Variants in CNKSR1 observed in about 807,000 individuals in gnomAD.
CNKSR1 encodes connector enhancer of kinase suppressor of Ras 1, also known as CNK homolog protein 1.
In CNKSR1, 88 loss-of-function variants were observed where a neutral mutation model predicts 95.6. The ratio of observed to expected loss-of-function variants is 0.92; its 90% CI spans 0.78 to 1.10. The LOEUF (loss-of-function observed/expected upper bound fraction) is 1.10. Ranked by LOEUF, CNKSR1 falls within the 50% of genes least tolerant of loss-of-function variation. The pLI is 0.00. For missense variants in CNKSR1, 836 were observed against 912.0 expected (o/e 0.92, Z 1.07); for synonymous variants, 355 against 369.7 (o/e 0.96, Z 0.46).
chr1:26,186,822 C>G (rs867294090), intron 14 of CNKSR1: 1 of 294,634 alleles, frequency 3.4e-6, no homozygotes, highest in Middle Eastern at 1.2e-3. Context: ...AGTCTGGTCT[C>G]AAACTCCTAG....
In CNKSR1 at chr1:26,177,587, A is replaced by G. The variant is rs1316124909; in HGVS notation, c.40A>G (p.Thr14Ala). 2.5e-6 allele frequency: 4 copies of G among 1,614,128 alleles called. No homozygotes were observed. The highest frequency in any genetic ancestry group is 2.5e-6 in the Non-Finnish European group (3 of 1,180,020). The change falls in exon 1 of 21, where the codon ACT (threonine) becomes GCT (alanine). Residue 14 changes from threonine to alanine, a missense_variant. By Grantham distance (58) the Thr-to-Ala change is moderately conservative. Coordinates refer to ENST00000361530, the MANE Select transcript of CNKSR1 (RefSeq NM_006314.3). ...GACCTGGACCCCCGGAAAGGTGGCA[A>G]CTTGGCTGAGAGGTGGGTGGGGCTG... ...VETWTPGKVA[T>A]WLRGLDDSLQ...
chr1:26,181,605 T>G, intron 3 of CNKSR1: 1 of 470,142 alleles, frequency 2.1e-6, no homozygotes, highest in Non-Finnish European at 3.9e-6. Flanking sequence ...CAAAGTTAAA[T>G]TGATATTGAT....
intron 6 of CNKSR1, 84 bp from the exon 7 acceptor site, chr1:26,183,113 T>C: frequency 7.5e-7 from 1 of 1,334,900 alleles, no homozygotes; most frequent in Non-Finnish European, 1.1e-6. Context: ...CCACCCACCA[T>C]AGAGTCCTGG....
Position 26,183,850 on chromosome 1 carries a change from C to T in CNKSR1, c.855+20C>T. ...CCACAGGTACCTTCCCCTGCCGCCC[C>T]CCGACCTGCCTTCAGACCCCCCCCT... On this transcript the variant is annotated intron_variant, in intron 9 of 20. Coordinates refer to ENST00000361530, the MANE Select transcript of CNKSR1 (RefSeq NM_006314.3). 1.0e-6 allele frequency: 1 copy of T among 959,880 alleles called. No homozygotes were observed. The highest frequency in any genetic ancestry group is 1.5e-6 in the Non-Finnish European group (1 of 681,400). 59.5% of individuals were successfully genotyped at this position (959,880 alleles called of 1,614,324 possible).
intron 16 of CNKSR1, 136 bp downstream of exon 16, chr1:26,187,618 C>CTA: frequency 3.3e-6 from 2 of 614,940 alleles, no homozygotes; most frequent in Admixed American, 2.9e-5. Flanking sequence ...ACTTCTCTTT[C>CTA]TCTTTTTTTT....
chr1:26,189,746 C>A lies in CNKSR1; in HGVS notation c.*198C>A, dbSNP rs565213274. The A allele has an allele frequency of 3.5e-4, 247 of 700,260 alleles. No homozygotes were observed. The highest frequency in any genetic ancestry group is 1.1e-3 in the Middle Eastern group (3 of 2,760). 43.4% of individuals were successfully genotyped at this position (700,260 alleles called of 1,614,324 possible). ...CCTTGCCAAAGAAGAAACTCTCCCCCCAAATCCTCCAACCTCTGGGGCCAC... is the reference window on the plus strand; with the variant it reads ...CCTTGCCAAAGAAGAAACTCTCCCCACAAATCCTCCAACCTCTGGGGCCAC... On this transcript the variant is annotated 3_prime_UTR_variant, in exon 21 of 21. Transcript: ENST00000361530.
chr1:26,180,248 T>TG, intron 1 of CNKSR1: 1 of 631,634 alleles, frequency 1.6e-6, no homozygotes, highest in Non-Finnish European at 2.8e-6. Context: ...GCTGCTGGTC[T>TG]GGGGGCCACT....
At chr1:26,178,264 C>A (rs893859409) in intron 1 of CNKSR1, among the ~76,000 whole-genome samples, 1 of 152,164 alleles carries the variant, frequency 6.6e-6, no homozygotes, top group African/African-American at 2.4e-5. Context: ...TTGTTAAATC[C>A]GTTTCTTAGA....
At chr1:26,179,109 T>C (rs1194200761) in intron 1 of CNKSR1, among the ~76,000 whole-genome samples, 1 of 152,254 alleles carries the variant, frequency 6.6e-6, no homozygotes, top group Non-Finnish European at 1.5e-5. Flanking sequence ...TCTTATAGAT[T>C]TGCATAGCAC....
chr1:26,181,069 C>T (rs1348426157), intron 3 of CNKSR1, 173 bp downstream of exon 3: 1 of 754,642 alleles, frequency 1.3e-6, no homozygotes, highest in African/African-American at 1.7e-5. Flanking sequence ...CACTTGAGGT[C>T]AGGAGTTGGA....
At chr1:26,179,997 G>A (rs984830385) in intron 1 of CNKSR1, among the ~76,000 whole-genome samples, 4 of 152,118 alleles carry the variant, frequency 2.6e-5, no homozygotes, top group Non-Finnish European at 5.9e-5. Flanking sequence ...TTAGCTGGGT[G>A]TGGTGGTGTG....
chr1:26,187,767 T>C (rs1325275004), intron 16 of CNKSR1, among the ~76,000 whole-genome samples: 3 of 151,358 alleles, frequency 2.0e-5, no homozygotes, highest in African/African-American at 7.3e-5. Context: ...AGACTACAGG[T>C]GCCTACCACC....
Position 26,189,549 on chromosome 1 carries a change from C to T in CNKSR1, c.*1C>T, listed in dbSNP as rs923620921. 3 of 1,422,734 alleles carry T rather than the reference C, an allele frequency of 2.1e-6. No homozygotes were observed. Among genetic ancestry groups the T allele is most frequent in the African/African-American group, 1.4e-5 (1 of 71,204 alleles). 88.1% of individuals were successfully genotyped at this position (1,422,734 alleles called of 1,614,324 possible). A position where few individuals can be genotyped will look rare whatever the true frequency, so the allele number is the denominator to read the frequency against. ...CAGCCTCCGACCTCCTGACCTCTGA[C>T]CCTGGCCAGCACTCTAGCTCCTGAC... On this transcript the variant is annotated 3_prime_UTR_variant, in exon 21 of 21. Coordinates refer to ENST00000361530, the MANE Select transcript of CNKSR1 (RefSeq NM_006314.3).
At position 26,188,851 on chromosome 1, in the gene CNKSR1, C is replaced by G; in HGVS notation, c.1770C>G (p.Pro590=). 4 of 1,613,776 alleles carry G rather than the reference C, an allele frequency of 2.5e-6. No homozygotes were observed. Among genetic ancestry groups the G allele is most frequent in the Non-Finnish European group, 3.4e-6 (4 of 1,179,952 alleles). ...TGTCCCTCCTAGGCCAGCCACAGCC[C>G]CTGACCCAGGAACAGTGGCGGAGCT... The part of the protein sequence containing the change: ...GGVSLLGQPQ[P]LTQEQWRSSF... Residue 590 remains proline, a synonymous_variant, in exon 20 of 21, where the codon CCC becomes CCG. Transcript: ENST00000361530.
In CNKSR1 at chr1:26,188,931, G is replaced by T. The variant is rs370754955; in HGVS notation, c.1850G>T (p.Arg617Leu). The T allele has an allele frequency of 2.5e-6, 4 of 1,613,422 alleles. No individual in the cohort carries two copies. Among genetic ancestry groups the T allele is most frequent in the Non-Finnish European group, 3.4e-6 (4 of 1,179,786 alleles). Residue 617 changes from arginine (R) to leucine (L), a missense_variant, in exon 20 of 21, where the codon CGG becomes CTG. Transcript: ENST00000361530. ...PQLNERVHRVRALQSTLKAKL... is the reference protein window; with the variant it reads ...PQLNERVHRVLALQSTLKAKL... ...CTCAATGAGCGAGTGCACCGTGTGC[G>T]GGCGCTACAGAGCACACTCAAGGTC...
intron 2 of CNKSR1, 45 bp downstream of exon 2, chr1:26,180,655 G>C (rs1430677602): frequency 1.2e-5 from 20 of 1,613,976 alleles, no homozygotes; most frequent in Non-Finnish European, 1.5e-5. Context: ...CACCAACCTG[G>C]GGGGTGTGAT....
At chr1:26,182,071 C>A in intron 4 of CNKSR1, 130 bp downstream of exon 4, 1 of 925,452 alleles carries the variant, frequency 1.1e-6, no homozygotes, top group South Asian at 1.3e-5. Flanking sequence ...GGAGAGGAGG[C>A]CCTGCCACTG....
intron 1 of CNKSR1, among the ~76,000 whole-genome samples, chr1:26,179,172 A>G (rs1009733353): frequency 3.3e-5 from 5 of 152,244 alleles, no homozygotes; most frequent in African/African-American, 9.6e-5. Flanking sequence ...TACCTTGTCC[A>G]GGCACAGGCC....
Position 26,184,140 on chromosome 1 carries a change from A to C in CNKSR1, c.925A>C (p.Arg309=). 6.2e-7 allele frequency: 1 copy of C among 1,611,280 alleles called. No individual in the cohort carries two copies. Among genetic ancestry groups the C allele is most frequent in the African/African-American group, 1.4e-5 (1 of 73,958 alleles). Reference sequence around the variant, plus strand: ...ACTGTCTCTGGCCCCACTGTCTCCCAGGTAACAGGCTCTGTCCAGGTGTGT... The same window carrying C: ...ACTGTCTCTGGCCCCACTGTCTCCCCGGTAACAGGCTCTGTCCAGGTGTGT... ...PSLSLAPLSP[R]APSEDVFAFD... The change falls in exon 10 of 21, where the codon AGG becomes CGG. Residue 309 remains arginine (R), a splice_region_variant and synonymous_variant. Transcript: ENST00000361530.
Sources: allele counts gnomAD v4.1 joint callset (sites outside exome capture counted in the v4.1 genomes callset), GRCh38; gene constraint gnomAD v4.1.1; transcripts MANE v1.5; gene names NCBI Gene and HGNC (gene_info 2026-07-23, HGNC 2026-07-21).